PDSS2: variants seen among roughly 807,000 people sequenced by gnomAD.
The protein encoded by PDSS2 is all trans-polyprenyl-diphosphate synthase PDSS2.
PDSS2 carries 31 observed loss-of-function variants against 44.5 expected under a neutral mutation model. That is an observed-to-expected ratio of 0.70 (90% CI 0.52 to 0.94). The LOEUF is 0.94. Among genes scored for constraint, PDSS2 ranks in the 40% least tolerant of loss-of-function variants. PDSS2 has a pLI of 0.00. For synonymous variants in PDSS2, 157 were observed against 180.3 expected, an observed-to-expected ratio of 0.87 and a Z score of 1.03; for missense variants, 452 against 482.2, an observed-to-expected ratio of 0.94 and a Z score of 0.59.
At chr6:107,251,644 C>T (rs1359449304) in intron 3 of PDSS2, among the ~76,000 whole-genome samples, 1 of 152,194 alleles carries the variant, frequency 6.6e-6, no homozygotes, top group Non-Finnish European at 1.5e-5. Flanking sequence ...TTTTCATATA[C>T]ATCTTGGGAG....
chr6:107,199,950 C>T (rs1772712021), intron 6 of PDSS2, among the ~76,000 whole-genome samples: 1 of 152,028 alleles, frequency 6.6e-6, no homozygotes, highest in African/African-American at 2.4e-5. Context: ...TATAAATACA[C>T]TAAAGAAGGG....
chr6:107,276,444 T>C (rs1775786625), intron 2 of PDSS2, among the ~76,000 whole-genome samples: 1 of 152,162 alleles, frequency 6.6e-6, no homozygotes, highest in African/African-American at 2.4e-5. Context: ...ACTTGTCCTT[T>C]TAGTTCCTAG....
chr6:107,243,167 G>C (rs1429021798), intron 4 of PDSS2, among the ~76,000 whole-genome samples: 3 of 152,068 alleles, frequency 2.0e-5, no homozygotes, highest in Non-Finnish European at 4.4e-5. Context: ...AGAAAAACCT[G>C]GGTTCATTAT....
At chr6:107,324,779 C>T (rs914440795) in intron 2 of PDSS2, among the ~76,000 whole-genome samples, 3 of 152,126 alleles carry the variant, frequency 2.0e-5, no homozygotes, top group African/African-American at 7.2e-5. Context: ...ACATGATCAA[C>T]ATGTTCTGCC....
chr6:107,240,546 G>A (rs1774389446), intron 4 of PDSS2, among the ~76,000 whole-genome samples: 1 of 151,620 alleles, frequency 6.6e-6, no homozygotes, highest in East Asian at 1.9e-4. Flanking sequence ...TTACAGGCGC[G>A]CACCACCAAG....
intron 1 of PDSS2, among the ~76,000 whole-genome samples, chr6:107,424,038 T>A (rs1328865549): frequency 3.2e-5 from 4 of 124,900 alleles, no homozygotes; most frequent in Admixed American, 9.4e-5. Flanking sequence ...TCTTGCATCT[T>A]TTTTTTTTTT....
chr6:107,355,028 G>T (rs1158542492), intron 1 of PDSS2, among the ~76,000 whole-genome samples: 1 of 152,060 alleles, frequency 6.6e-6, no homozygotes, highest in Non-Finnish European at 1.5e-5. Flanking sequence ...CGCCTCCTGG[G>T]TTCAAGCAAT....
intron 1 of PDSS2, among the ~76,000 whole-genome samples, chr6:107,426,482 A>G (rs319104): frequency 0.38 from 57,358 of 152,120 alleles, 13,307 homozygotes; most frequent in Middle Eastern, 0.64. Context: ...GCCTCCACAA[A>G]AAGTCCCTAC....
rs1198865246 is a variant in PDSS2, at chr6:107,154,349, G to A, written c.*270C>T. 2 of 419,094 alleles carry A rather than the reference G, an allele frequency of 4.8e-6. No individual in the cohort carries two copies. Among genetic ancestry groups the A allele is most frequent in the African/African-American group, 4.1e-5 (2 of 49,074 alleles). The allele number at this position is 419,094 out of a possible 1,614,324, so 26.0% of individuals were successfully genotyped here. ...GACTTATTTCCTGTCCATTTGCTGA[G>A]GTCACAGGAGCGAATCTCATTAATT... On this transcript the variant is annotated 3_prime_UTR_variant, in exon 8 of 8. Coordinates refer to ENST00000369037, the MANE Select transcript of PDSS2 (RefSeq NM_020381.4).
intron 7 of PDSS2, among the ~76,000 whole-genome samples, chr6:107,173,416 A>C (rs1771663799): frequency 6.6e-6 from 1 of 151,426 alleles, no homozygotes; most frequent in Non-Finnish European, 1.5e-5. Context: ...TCTACTAAAA[A>C]TACAAAAATT....
intron 3 of PDSS2, among the ~76,000 whole-genome samples, chr6:107,269,272 T>C (rs751084970): frequency 6.6e-6 from 1 of 152,056 alleles, no homozygotes; most frequent in Non-Finnish European, 1.5e-5. Flanking sequence ...GTCTCTATGA[T>C]TCTTTTCAAT....
At chr6:107,402,503 T>TATATACGTATATATGTATAC (rs1462645617) in intron 1 of PDSS2, among the ~76,000 whole-genome samples, 101 of 124,558 alleles carry the variant, frequency 8.1e-4, no homozygotes, top group Non-Finnish European at 1.3e-3. Flanking sequence ...TATGTATACA[T>TATATACGTATATATGTATAC]ATATATACAC....
At chr6:107,302,678 C>T (rs1233629477) in intron 2 of PDSS2, among the ~76,000 whole-genome samples, 1 of 151,702 alleles carries the variant, frequency 6.6e-6, no homozygotes, top group African/African-American at 2.4e-5. Flanking sequence ...ATTTAATGGC[C>T]TACTTTAAAA....
chr6:107,353,471 T>G (rs1434394730), intron 1 of PDSS2, among the ~76,000 whole-genome samples: 3 of 152,192 alleles, frequency 2.0e-5, no homozygotes, highest in Non-Finnish European at 4.4e-5. Context: ...CTTCTGTAAT[T>G]TTTCTCATAT....
At chr6:107,208,042 G>A (rs1483679691) in intron 6 of PDSS2, among the ~76,000 whole-genome samples, 2 of 126,378 alleles carry the variant, frequency 1.6e-5, no homozygotes, top group Non-Finnish European at 3.1e-5. Context: ...GCTGGAGTAC[G>A]GTGGCGCAAT....
chr6:107,426,694 G>T (rs936162464), intron 1 of PDSS2, among the ~76,000 whole-genome samples: 3 of 152,186 alleles, frequency 2.0e-5, no homozygotes, highest in African/African-American at 7.2e-5. Context: ...CCCACCCTTT[G>T]CATCAGCGTG....
chr6:107,408,000 G>T lies in PDSS2; in HGVS notation c.296+50990C>A, dbSNP rs548499549. On this transcript the variant is annotated intron_variant, in intron 1 of 7. Transcript: ENST00000369037. Reference sequence around the variant, plus strand: ...AAGTGTGAGCCACCACACCCGGCCAGTCTTTCATTTATTTATTTATTCATT... The same window carrying T: ...AAGTGTGAGCCACCACACCCGGCCATTCTTTCATTTATTTATTTATTCATT... Among the ~76,000 whole-genome samples the T allele has an allele frequency of 2.0e-5, 3 of 150,764 alleles. No individual in the cohort carries two copies. The South Asian group carries it at 6.4e-4, about 32-fold the overall frequency.
intron 1 of PDSS2, among the ~76,000 whole-genome samples, chr6:107,360,275 T>A (rs1035045217): frequency 1.3e-5 from 2 of 152,228 alleles, no homozygotes; most frequent in Non-Finnish European, 2.9e-5. Flanking sequence ...GTCTCATGCA[T>A]CTTCCTGTGT....
intron 2 of PDSS2, among the ~76,000 whole-genome samples, chr6:107,330,468 C>A (rs1439715840): frequency 6.6e-6 from 1 of 152,108 alleles, no homozygotes; most frequent in Non-Finnish European, 1.5e-5. Flanking sequence ...CTGCTTTTAA[C>A]TACTAGTTAG....
Sources: gnomAD v4.1 joint callset for allele counts (sites outside exome capture counted in the v4.1 genomes callset) on GRCh38, gnomAD v4.1.1 for gene constraint, MANE v1.5 for transcripts, NCBI Gene and HGNC (gene_info 2026-07-23, HGNC 2026-07-21) for gene names.